The following ARHGAP15 variants were observed in gnomAD, a reference collection of about 807,000 sequenced individuals.
The protein encoded by ARHGAP15 is Rho GTPase activating protein 15, also known as rho GTPase-activating protein 15.
Under a neutral mutation model 63.7 loss-of-function variants are expected in ARHGAP15, and 51 were observed. The ratio of observed to expected loss-of-function variants is 0.80; its 90% CI spans 0.64 to 1.01. ARHGAP15 has a LOEUF of 1.01. ARHGAP15 is among the 50% of genes least tolerant of loss of function. The pLI is 0.00. For missense variants in ARHGAP15, 560 were observed against 564.6 expected (o/e 0.99, Z 0.08); for synonymous variants, 191 against 193.8 (o/e 0.99, Z 0.12).
chr2:143,235,362 G>A (rs1693603733), intron 5 of ARHGAP15, among the ~76,000 whole-genome samples: 1 of 151,786 alleles, frequency 6.6e-6, no homozygotes, highest in Admixed American at 6.6e-5. Flanking sequence ...GGGAGGGAGT[G>A]CAGGGGCATA....
Position 143,677,321 on chromosome 2 carries a change from T to C in ARHGAP15, c.1139-26098T>C, listed in dbSNP as rs560838418. On this transcript the variant is annotated intron_variant, in intron 12 of 13. Transcript: ENST00000295095. ...CATGAATGGAACCATGGAATGTGTA[T>C]TGTTTATCTTTTGACATTGGTGTAG... Among the ~76,000 whole-genome samples, 42 of 152,356 alleles carry C rather than the reference T, an allele frequency of 2.8e-4. 1 individual carries two copies. Among genetic ancestry groups the C allele is most frequent in the African/African-American group, 9.9e-4 (41 of 41,590 alleles).
chr2:143,419,663 C>T (rs200328754), intron 6 of ARHGAP15, among the ~76,000 whole-genome samples: 1 of 151,014 alleles, frequency 6.6e-6, no homozygotes, highest in Non-Finnish European at 1.5e-5. Context: ...TATACAAACA[C>T]ATATATATGT....
chr2:143,182,630 C>A (rs955047334), intron 2 of ARHGAP15, among the ~76,000 whole-genome samples: 2 of 152,082 alleles, frequency 1.3e-5, no homozygotes, highest in Non-Finnish European at 2.9e-5. Flanking sequence ...ATCTCAGTTT[C>A]TAGAAGGTTG....
chr2:143,656,516 T>C (rs915468793), intron 12 of ARHGAP15, among the ~76,000 whole-genome samples: 8 of 152,200 alleles, frequency 5.3e-5, no homozygotes, highest in African/African-American at 1.9e-4. Context: ...TCTGTGAGAA[T>C]AGCTTTTTAG....
At chr2:143,251,114 G>A (rs577605994) in intron 6 of ARHGAP15, among the ~76,000 whole-genome samples, 2 of 151,944 alleles carry the variant, frequency 1.3e-5, no homozygotes, top group Admixed American at 6.6e-5. Context: ...ATTAATAATT[G>A]CAATCATATT....
At chr2:143,479,291 G>T (rs1012790696) in intron 8 of ARHGAP15, among the ~76,000 whole-genome samples, 1 of 151,068 alleles carries the variant, frequency 6.6e-6, no homozygotes, top group East Asian at 1.9e-4. Context: ...AGAAGGCAGA[G>T]GCTATCACCT....
chr2:143,132,754 C>T (rs944307719), intron 1 of ARHGAP15, among the ~76,000 whole-genome samples: 1 of 152,204 alleles, frequency 6.6e-6, no homozygotes, highest in Non-Finnish European at 1.5e-5. Flanking sequence ...AATTCTACTA[C>T]GGAGTCACGT....
chr2:143,365,339 A>G (rs1188218490), intron 6 of ARHGAP15, among the ~76,000 whole-genome samples: 1 of 152,254 alleles, frequency 6.6e-6, no homozygotes, highest in Non-Finnish European at 1.5e-5. Flanking sequence ...ATGCTTTGGC[A>G]CAAGACTCTG....
At chr2:143,259,435 G>A (rs980829786) in intron 6 of ARHGAP15, among the ~76,000 whole-genome samples, 8 of 152,084 alleles carry the variant, frequency 5.3e-5, no homozygotes, top group African/African-American at 1.7e-4. Flanking sequence ...CTAGCAATAT[G>A]GAAAAAAATG....
chr2:143,764,432 C>T (rs1686881065), intron 13 of ARHGAP15, among the ~76,000 whole-genome samples: 2 of 152,178 alleles, frequency 1.3e-5, no homozygotes, highest in South Asian at 4.1e-4. Context: ...TTTCAAACTT[C>T]CTTGGTTCAC....
chr2:143,621,321 C>T (rs1698640490), intron 11 of ARHGAP15, among the ~76,000 whole-genome samples: 1 of 152,020 alleles, frequency 6.6e-6, no homozygotes, highest in Non-Finnish European at 1.5e-5. Flanking sequence ...TTAGAAAATG[C>T]TTATCAAATA....
intron 12 of ARHGAP15, among the ~76,000 whole-genome samples, chr2:143,674,603 G>T (rs1682732902): frequency 6.6e-6 from 1 of 152,118 alleles, no homozygotes; most frequent in Non-Finnish European, 1.5e-5. Flanking sequence ...AGATTGTGGG[G>T]TCAATTTCAG....
intron 11 of ARHGAP15, chr2:143,593,328 A>C (rs907303164): frequency 1.3e-5 from 2 of 152,218 alleles, no homozygotes; most frequent in African/African-American, 2.4e-5. Flanking sequence ...GCTATCACCC[A>C]GGAATCATAA....
intron 12 of ARHGAP15, among the ~76,000 whole-genome samples, chr2:143,684,511 T>C (rs112565845): frequency 1.2e-3 from 179 of 150,448 alleles, no homozygotes; most frequent in African/African-American, 3.9e-3. Context: ...AATATCCTTA[T>C]TGGGGGGTCC....
intron 12 of ARHGAP15, among the ~76,000 whole-genome samples, chr2:143,634,923 A>G (rs1029349765): frequency 7.2e-5 from 11 of 152,168 alleles, no homozygotes; most frequent in Admixed American, 1.3e-4. Context: ...CCTTGCTTCT[A>G]TGAAATATTA....
intron 3 of ARHGAP15, among the ~76,000 whole-genome samples, chr2:143,203,973 C>T (rs1692225665): frequency 6.6e-6 from 1 of 152,094 alleles, no homozygotes; most frequent in African/African-American, 2.4e-5. Context: ...TTTGCCCAAA[C>T]CCGTTCTCCA....
chr2:143,731,701 A>G (rs1382386545), intron 13 of ARHGAP15, among the ~76,000 whole-genome samples: 1 of 152,360 alleles, frequency 6.6e-6, no homozygotes, highest in East Asian at 1.9e-4. Flanking sequence ...ATGCTTGCAT[A>G]TAGCATAGTG....
intron 5 of ARHGAP15, among the ~76,000 whole-genome samples, chr2:143,249,346 A>G (rs1680021438): frequency 6.6e-6 from 1 of 152,138 alleles, no homozygotes. Context: ...CTTCTGAAAA[A>G]GCCTATTTAT....
chr2:143,201,764 G>T (rs1692128730), intron 2 of ARHGAP15, among the ~76,000 whole-genome samples: 1 of 152,112 alleles, frequency 6.6e-6, no homozygotes, highest in South Asian at 2.1e-4. Flanking sequence ...AGAGGACACA[G>T]GAGAATGTAT....
Sources: allele counts gnomAD v4.1 joint callset (sites outside exome capture counted in the v4.1 genomes callset), GRCh38; gene constraint gnomAD v4.1.1; transcripts MANE v1.5; gene names NCBI Gene and HGNC (gene_info 2026-07-23, HGNC 2026-07-21).